Variants in CEP250 observed in about 807,000 individuals in gnomAD.
The protein encoded by CEP250 is centrosomal protein 250, also known as centrosome-associated protein CEP250.
CEP250 carries 242 observed loss-of-function variants against 315.7 expected under a neutral mutation model. That is an observed-to-expected ratio of 0.77 (90% CI 0.69 to 0.85). CEP250 has a LOEUF of 0.85. Among genes scored for constraint, CEP250 ranks in the 40% least tolerant of loss-of-function variants. The probability of loss-of-function intolerance (pLI) is 0.00; values close to 1 mark genes in which losing one functional copy is unlikely to be tolerated. For missense variants in CEP250, 2,515 were observed against 2,886.4 expected, an observed-to-expected ratio of 0.87 and a Z score of 2.95; for synonymous variants, 1,088 against 1,175.0, an observed-to-expected ratio of 0.93 and a Z score of 1.51.
chr20:35,496,245 G>A (rs1332361967), intron 24 of CEP250, among the ~76,000 whole-genome samples: 3 of 152,038 alleles, frequency 2.0e-5, no homozygotes, highest in East Asian at 3.9e-4. Flanking sequence ...GCTGAGGCAC[G>A]AGAATCATTT....
At chr20:35,493,894 A>T (rs1417727341) in intron 23 of CEP250, among the ~76,000 whole-genome samples, 1 of 152,210 alleles carries the variant, frequency 6.6e-6, no homozygotes, top group African/African-American at 2.4e-5. Flanking sequence ...TCAGAATCCT[A>T]TATCAAATGA....
At chr20:35,485,509 A>C (rs947666472) in intron 20 of CEP250, among the ~76,000 whole-genome samples, 24 of 151,900 alleles carry the variant, frequency 1.6e-4, no homozygotes, top group Non-Finnish European at 3.4e-4. Context: ...TTTTGTTTAG[A>C]GATAAGGTCT....
At position 35,494,512 on chromosome 20, in the gene CEP250, T is replaced by G; in HGVS notation, c.3034-12T>G. 1.9e-6 allele frequency: 3 copies of G among 1,613,428 alleles called. No homozygotes were observed. The highest frequency in any genetic ancestry group is 2.5e-6 in the Non-Finnish European group (3 of 1,179,934). ...CCCTGCCATCTTGGTCTTCATGCCC[T>G]TAATTTTCCAGGTGGAGGACTTGAA... On this transcript the variant is annotated splice_polypyrimidine_tract_variant and intron_variant, in intron 23 of 34. Transcript: ENST00000397527.
In CEP250 at chr20:35,511,862, C is replaced by G; in HGVS notation, c.*236C>G. ...CCTATGGAATCACCCAGAGGGGTGC[C>G]TTGCCCTGGCTGAGGGACATGTACT... On this transcript the variant is annotated 3_prime_UTR_variant, in exon 35 of 35. Transcript: ENST00000397527. 3.7e-6 allele frequency: 5 copies of G among 1,341,918 alleles called. No homozygotes were observed. The highest frequency in any genetic ancestry group is 5.5e-4 in the Middle Eastern group (2 of 3,630). 83.1% of individuals were successfully genotyped at this position (1,341,918 alleles called of 1,614,324 possible). A position where few individuals can be genotyped will look rare whatever the true frequency, so the allele number is the denominator to read the frequency against.
intron 33 of CEP250, among the ~76,000 whole-genome samples, 181 bp downstream of exon 33, chr20:35,509,225 A>G (rs1432041557): frequency 6.6e-6 from 1 of 152,150 alleles, no homozygotes; most frequent in Admixed American, 6.5e-5. Flanking sequence ...AGGAGGCCCA[A>G]CATTGGGGTG....
At chr20:35,484,945 C>T (rs145037168) in intron 20 of CEP250, among the ~76,000 whole-genome samples, 59 of 151,820 alleles carry the variant, frequency 3.9e-4, no homozygotes, top group African/African-American at 1.3e-3. Flanking sequence ...TGTTTTCTAC[C>T]ATTAAAAATG....
At chr20:35,477,687 C>T in intron 16 of CEP250, 184 bp from the exon 17 acceptor site, 2 of 600,230 alleles carry the variant, frequency 3.3e-6, no homozygotes, top group South Asian at 4.1e-5. Context: ...GCATCCAGCC[C>T]ATCTAGTACC....
chr20:35,465,689 G>C lies in CEP250; in HGVS notation c.244-54G>C, dbSNP rs1434586499. 3 of 1,354,770 alleles carry C rather than the reference G, an allele frequency of 2.2e-6. No individual in the cohort carries two copies. The Admixed American group carries it at 7.4e-5, about 33-fold the overall frequency. 83.9% of individuals were successfully genotyped at this position (1,354,770 alleles called of 1,614,324 possible). ...CATGGAAGGGAGCCTTAGGGAACTG[G>C]TCTGAGTGATGTTCTCTTTGGAGGT... On this transcript the variant is annotated intron_variant, in intron 5 of 34. Coordinates refer to ENST00000397527, the MANE Select transcript of CEP250 (RefSeq NM_007186.6).
intron 9 of CEP250, among the ~76,000 whole-genome samples, chr20:35,468,318 C>T (rs1320889028): frequency 2.0e-5 from 3 of 152,166 alleles, no homozygotes; most frequent in Admixed American, 6.5e-5. Context: ...CCCTTGTAGT[C>T]TTTTGACCTC....
intron 34 of CEP250, 24 bp from the exon 35 acceptor site, chr20:35,511,339 T>C (rs1481748056): frequency 2.2e-6 from 3 of 1,381,354 alleles, no homozygotes; most frequent in Non-Finnish European, 1.9e-6. Flanking sequence ...GCTCTCGCTT[T>C]TTTTTTTTTT....
chr20:35,476,326 A>G, intron 15 of CEP250, 123 bp from the exon 16 acceptor site: 1 of 833,666 alleles, frequency 1.2e-6, no homozygotes, highest in Non-Finnish European at 1.9e-6. Flanking sequence ...TTTAGAATGC[A>G]GGAGAGGGAA....
Position 35,507,780 on chromosome 20 carries a change from C to T in CEP250, c.6679C>T (p.Leu2227=), listed in dbSNP as rs1190731026. ...LTRRALEKER[L]HSPGATSTAE... ...CAGACGGGCTCTGGAGAAGGAGCGG[C>T]TACACAGCCCAGGTGCAACCAGCAC... Residue 2227 remains leucine (L), a synonymous_variant, in exon 31 of 35, where the codon CTA becomes TTA. Coordinates refer to ENST00000397527, the MANE Select transcript of CEP250 (RefSeq NM_007186.6). 1.9e-6 allele frequency: 3 copies of T among 1,562,922 alleles called. No individual in the cohort carries two copies. In the African/African-American group the frequency reaches 4.1e-5, roughly 21 times the overall value.
At chr20:35,510,097 T>A in intron 34 of CEP250, 43 bp downstream of exon 34, 1 of 1,567,784 alleles carries the variant, frequency 6.4e-7, no homozygotes, top group Non-Finnish European at 8.8e-7. Flanking sequence ...TCCCTTGCAC[T>A]CAGGCCCTTT....
rs371932751 is a variant in CEP250, at chr20:35,481,713, C to T, written c.2586+1568C>T. The stretch of plus-strand genomic sequence containing the variant: ...AAGATGTTTCTATTTTATTTTTATT[C>T]TTTTATTGAGGCAGGGTCTCACTCT... On this transcript the variant is annotated intron_variant, in intron 20 of 34. Transcript: ENST00000397527. 1.2e-4 allele frequency among the ~76,000 whole-genome samples: 15 copies of T among 126,956 alleles called. No homozygotes were observed. In the East Asian group the frequency reaches 3.0e-3, roughly 25 times the overall value. 83.3% of individuals were successfully genotyped at this position (126,956 alleles called of 152,430 possible). A position where few individuals can be genotyped will look rare whatever the true frequency, so the allele number is the denominator to read the frequency against.
rs1276232111 is a variant in CEP250, at chr20:35,517,387, T to C, written c.*5761T>C. ...TGTGCCAAAGCTGGCATGTTGTATA[T>C]CTGAGAGAGGAGCTGCCTATTCACA... On this transcript the variant is annotated 3_prime_UTR_variant, in exon 35 of 35. Transcript: ENST00000397527. 1 of 152,140 alleles carries C rather than the reference T, an allele frequency of 6.6e-6. No homozygotes were observed. Among genetic ancestry groups the C allele is most frequent in the African/African-American group, 2.4e-5 (1 of 41,426 alleles). 9.4% of individuals were successfully genotyped at this position (152,140 alleles called of 1,614,324 possible).
intron 7 of CEP250, among the ~76,000 whole-genome samples, chr20:35,466,584 C>T (rs8116304): frequency 0.34 from 52,123 of 151,852 alleles, 10,349 homozygotes; most frequent in African/African-American, 0.54. Flanking sequence ...CTGTTATGGG[C>T]CCTGGGGAAT....
chr20:35,499,776 C>T (rs1039894657), intron 27 of CEP250, among the ~76,000 whole-genome samples: 1 of 152,104 alleles, frequency 6.6e-6, no homozygotes, highest in Non-Finnish European at 1.5e-5. Flanking sequence ...GAAGTGGTGA[C>T]CCCTGGGCTA....
At position 35,493,425 on chromosome 20, in the gene CEP250, T is replaced by G; in HGVS notation, c.2890-4T>G. 1 of 1,577,908 alleles carries G rather than the reference T, an allele frequency of 6.3e-7. No homozygotes were observed. The highest frequency in any genetic ancestry group is 8.6e-7 in the Non-Finnish European group (1 of 1,166,064). ...CTACTCAATGATTTCTTATCCCTCT[T>G]CAGGAGACCACTGGGATACTACAGA... On this transcript the variant is annotated splice_polypyrimidine_tract_variant and splice_region_variant and intron_variant, in intron 22 of 34. Transcript: ENST00000397527.
intron 26 of CEP250, 64 bp from the exon 27 acceptor site, chr20:35,498,531 G>T: frequency 6.3e-7 from 1 of 1,582,286 alleles, no homozygotes. Flanking sequence ...GCTGTGTCTG[G>T]AGAGGTCTGG....
Sources: allele counts gnomAD v4.1 joint callset (sites outside exome capture counted in the v4.1 genomes callset), GRCh38; gene constraint gnomAD v4.1.1; transcripts MANE v1.5; gene names NCBI Gene and HGNC (gene_info 2026-07-23, HGNC 2026-07-21).